ARHGAP39: variants seen among roughly 807,000 people sequenced by gnomAD.
ARHGAP39 encodes the protein rho GTPase-activating protein 39.
Under a neutral mutation model 106.9 loss-of-function variants are expected in ARHGAP39, and 44 were observed. That is an observed-to-expected ratio of 0.41 (90% confidence interval 0.32 to 0.53). The LOEUF is 0.53. Among genes scored for constraint, ARHGAP39 ranks in the 20% least tolerant of loss-of-function variants. The pLI is 0.21. For missense variants in ARHGAP39, 1,496 were observed against 1,577.3 expected, an observed-to-expected ratio of 0.95 and a Z score of 0.87; for synonymous variants, 768 against 693.2, an observed-to-expected ratio of 1.11 and a Z score of -1.69.
At chr8:144,683,734 T>A (rs1053425047) in intron 1 of ARHGAP39, among the ~76,000 whole-genome samples, 1 of 152,182 alleles carries the variant, frequency 6.6e-6, no homozygotes, top group Non-Finnish European at 1.5e-5. Flanking sequence ...TTTATAAACA[T>A]GTGTTCATCC....
Position 144,580,999 on chromosome 8 carries a change from G to A in ARHGAP39, c.359C>T (p.Ala120Val), listed in dbSNP as rs369803124. ...KQNTESPRAS[A>V]ESSPGRGSSV... ...GCTGCCGCGCCCGGGGCTGCTCTCC[G>A]CCGAGGCGCGCGGGGACTCCGTGTT... is the stretch of plus-strand genomic sequence containing the variant. The change falls in exon 3 of 12, where the codon GCG becomes GTG. Residue 120 changes from alanine to valine, a missense_variant. This residue lies in a region of ARHGAP39 where 905 missense variants were observed against 816.4 expected (regional missense o/e 1.11). Coordinates refer to ENST00000377307, the MANE Select transcript of ARHGAP39 (RefSeq NM_025251.3). 7 of 1,593,300 alleles carry A rather than the reference G, an allele frequency of 4.4e-6. No individual in the cohort carries two copies. Among genetic ancestry groups the A allele is most frequent in the South Asian group, 1.1e-5 (1 of 88,692 alleles).
At chr8:144,544,621 C>A (rs1364703809) in intron 6 of ARHGAP39, among the ~76,000 whole-genome samples, 1 of 152,254 alleles carries the variant, frequency 6.6e-6, no homozygotes, top group Non-Finnish European at 1.5e-5. Flanking sequence ...CTGGGCCCAG[C>A]ACACCTGAAG....
At chr8:144,535,307 T>C (rs1474456452) in intron 7 of ARHGAP39, among the ~76,000 whole-genome samples, 1 of 152,228 alleles carries the variant, frequency 6.6e-6, no homozygotes, top group Non-Finnish European at 1.5e-5. Flanking sequence ...GACTCTTTTT[T>C]AGAGGAACCA....
intron 6 of ARHGAP39, among the ~76,000 whole-genome samples, chr8:144,544,690 C>T (rs1347196129): frequency 6.6e-6 from 1 of 152,248 alleles, no homozygotes; most frequent in Non-Finnish European, 1.5e-5. Context: ...AGGCAGCCAT[C>T]AGGATGTGAT....
intron 1 of ARHGAP39, among the ~76,000 whole-genome samples, chr8:144,668,599 T>A (rs1176290646): frequency 2.6e-5 from 4 of 152,202 alleles, no homozygotes; most frequent in Non-Finnish European, 5.9e-5. Flanking sequence ...GGAATCAATT[T>A]AACAAAAGAA....
chr8:144,630,615 T>C (rs1378295467), intron 1 of ARHGAP39, among the ~76,000 whole-genome samples: 1 of 152,236 alleles, frequency 6.6e-6, no homozygotes, highest in East Asian at 1.9e-4. Context: ...GTGGTGTGAA[T>C]GAATGTCCCC....
intron 2 of ARHGAP39, among the ~76,000 whole-genome samples, chr8:144,590,847 TGGCCATGAGCCTTGTCGACCGCCCTGG>T: frequency 6.6e-6 from 1 of 151,986 alleles, no homozygotes; most frequent in South Asian, 2.1e-4. Context: ...TCCTGGTCCC[TGGCCATGAGCCTTGTCGACCGCCCTGG>T]GGTCCAGCCA....
upstream of ARHGAP39, among the ~76,000 whole-genome samples, chr8:144,686,679 C>T (rs981998201): frequency 3.3e-5 from 5 of 152,180 alleles, no homozygotes; most frequent in Admixed American, 1.3e-4. Flanking sequence ...CGGGCTGTCT[C>T]GCCGCCCGCG....
intron 1 of ARHGAP39, among the ~76,000 whole-genome samples, chr8:144,655,576 C>G (rs1411786130): frequency 6.6e-6 from 1 of 152,078 alleles, no homozygotes; most frequent in African/African-American, 2.4e-5. Flanking sequence ...GCCACCCACT[C>G]CAGGCCTCCT....
Position 144,585,780 on chromosome 8 carries a change from C to G in ARHGAP39, c.81-4503G>C, listed in dbSNP as rs576933017. On this transcript the variant is annotated intron_variant, in intron 2 of 11. Transcript: ENST00000377307. The surrounding 1 kb of genome is among the most constrained non-coding windows in gnomAD (Gnocchi z 4.6). ...GCTCTTAAATCTCAACCCTCATGGG[C>G]CCCTGCAGGGCCCATAATTTAAATG... Among the ~76,000 whole-genome samples the G allele has an allele frequency of 2.0e-5, 3 of 152,140 alleles. No individual in the cohort carries two copies. The highest frequency in any genetic ancestry group is 7.2e-5 in the African/African-American group (3 of 41,442).
rs371045949 is a variant in ARHGAP39, at chr8:144,547,750, C to T, written c.1336G>A (p.Gly446Arg). ...LRDQRLGVKS[G>R]DYSTMEGPEL... ...GGTCCCTCCATGGTGCTGTAGTCTC[C>T]GGACTTGACGCCCAGGCGCTGGTCC... is the stretch of plus-strand genomic sequence containing the variant. Residue 446 changes from glycine to arginine, a missense_variant, in exon 5 of 12, where the codon GGA (glycine) becomes AGA (arginine). Gly to Arg is a moderately radical substitution (Grantham distance 125). Transcript: ENST00000377307. The surrounding 1 kb of genome is among the most constrained non-coding windows in gnomAD (Gnocchi z 5.2). The T allele has an allele frequency of 5.0e-6, 8 of 1,598,498 alleles. No individual in the cohort carries two copies. Among genetic ancestry groups the T allele is most frequent in the Middle Eastern group, 1.7e-4 (1 of 5,994 alleles).
intron 4 of ARHGAP39, 135 bp downstream of exon 4, chr8:144,555,425 G>T: frequency 3.8e-6 from 3 of 783,182 alleles, no homozygotes; most frequent in South Asian, 1.5e-5. Flanking sequence ...TGGCCCTGTG[G>T]CCTCCACGGC....
intron 1 of ARHGAP39, among the ~76,000 whole-genome samples, chr8:144,666,159 C>A (rs577488248): frequency 1.3e-5 from 2 of 152,022 alleles, no homozygotes; most frequent in Middle Eastern, 3.4e-3. Context: ...GGGCCTGTAA[C>A]CCCTTTCTTT....
At chr8:144,552,859 T>G (rs572273627) in intron 4 of ARHGAP39, among the ~76,000 whole-genome samples, 2 of 152,306 alleles carry the variant, frequency 1.3e-5, no homozygotes, top group African/African-American at 4.8e-5. Context: ...GGACTTTATT[T>G]CTTGCCATCT....
chr8:144,619,726 C>T lies in ARHGAP39; in HGVS notation c.-81-14031G>A, dbSNP rs574927999. Among the ~76,000 whole-genome samples, 215 of 140,560 alleles carry T rather than the reference C, an allele frequency of 1.5e-3. 2 individuals carry two copies. Among genetic ancestry groups the T allele is most frequent in the South Asian group, 0.015 (63 of 4,276 alleles). The allele number at this position is 140,560 out of a possible 152,430, so 92.2% of individuals were successfully genotyped here. A position where few individuals can be genotyped will look rare whatever the true frequency, so the allele number is the denominator to read the frequency against. ...TGTGTCCCTGAAAAAGCATATGTGTCCGTGTGCGTGTGAGCCTGTGTGTAC... is the reference window on the plus strand; with the variant it reads ...TGTGTCCCTGAAAAAGCATATGTGTTCGTGTGCGTGTGAGCCTGTGTGTAC... On this transcript the variant is annotated intron_variant, in intron 1 of 11. Coordinates refer to ENST00000377307, the MANE Select transcript of ARHGAP39 (RefSeq NM_025251.3).
At chr8:144,627,954 C>T (rs781180385) in intron 1 of ARHGAP39, among the ~76,000 whole-genome samples, 15 of 152,130 alleles carry the variant, frequency 9.9e-5, no homozygotes, top group East Asian at 3.9e-4. Flanking sequence ...GTGGGGGGCC[C>T]GCCGCAACTC....
At chr8:144,651,577 C>T (rs535760959) in intron 1 of ARHGAP39, among the ~76,000 whole-genome samples, 98 of 152,098 alleles carry the variant, frequency 6.4e-4, no homozygotes, top group Middle Eastern at 3.4e-3. Flanking sequence ...GTAGCACACA[C>T]CTGTAATCTC....
intron 2 of ARHGAP39, 109 bp from the exon 3 acceptor site, chr8:144,581,386 T>C: frequency 1.6e-6 from 2 of 1,245,430 alleles, no homozygotes; most frequent in Non-Finnish European, 2.2e-6. Context: ...AGAAATCCTG[T>C]CATAGAGGAA....
chr8:144,542,884 A>AG (rs1349854597), intron 6 of ARHGAP39, among the ~76,000 whole-genome samples: 14 of 150,522 alleles, frequency 9.3e-5, no homozygotes, highest in African/African-American at 3.2e-4. Flanking sequence ...GGTTGCAGTG[A>AG]GTCATGATTG....
Sources: gnomAD v4.1 joint callset for allele counts (sites outside exome capture counted in the v4.1 genomes callset) on GRCh38, gnomAD v4.1.1 for gene constraint, gnomAD v4.1.1 regional missense constraint, Gnocchi (gnomAD v3.1) non-coding constraint, MANE v1.5 for transcripts, NCBI Gene and HGNC (gene_info 2026-07-23, HGNC 2026-07-21) for gene names.